OSBPL10: variants seen among roughly 807,000 people sequenced by gnomAD.
OSBPL10 encodes oxysterol-binding protein-related protein 10.
A neutral mutation model predicts 81.7 loss-of-function variants in OSBPL10; 49 were observed. The ratio of observed to expected loss-of-function variants is 0.60; its 90% CI spans 0.48 to 0.76. OSBPL10 has a LOEUF of 0.76. Ranked by LOEUF, OSBPL10 falls within the 30% of genes least tolerant of loss-of-function variation. The pLI is 0.00. For synonymous variants in OSBPL10, 419 were observed against 383.6 expected (o/e 1.09, Z -1.08); for missense variants, 923 against 987.8 (o/e 0.93, Z 0.88).
At chr3:31,978,279 G>A (rs761301807) in intron 1 of OSBPL10, among the ~76,000 whole-genome samples, 6 of 152,176 alleles carry the variant, frequency 3.9e-5, no homozygotes, top group Non-Finnish European at 5.9e-5. Context: ...ATGAGGCCCA[G>A]AAAGAAAGGC....
intron 1 of OSBPL10, among the ~76,000 whole-genome samples, chr3:31,963,525 C>T (rs1019680373): frequency 1.3e-5 from 2 of 152,106 alleles, no homozygotes; most frequent in Admixed American, 1.3e-4. Context: ...GATTTGAAGG[C>T]TCACTCTTCA....
chr3:31,683,372 TGCACA>T (rs1700704585), intron 8 of OSBPL10, among the ~76,000 whole-genome samples: 1 of 152,120 alleles, frequency 6.6e-6, no homozygotes, highest in South Asian at 2.1e-4. Flanking sequence ...CGCACGCGCG[TGCACA>T]GCATGGGAAG....
chr3:31,662,185 A>C (rs1575459253), intron 11 of OSBPL10, 69 bp from the exon 12 acceptor site: 5 of 1,608,290 alleles, frequency 3.1e-6, no homozygotes, highest in Non-Finnish European at 8.5e-7. Context: ...AGCAAGGATA[A>C]CCGCAGCCAC....
intron 2 of OSBPL10, among the ~76,000 whole-genome samples, chr3:32,024,181 C>G (rs1048076808): frequency 2.6e-5 from 4 of 152,098 alleles, no homozygotes; most frequent in Non-Finnish European, 5.9e-5. Flanking sequence ...ACAGTTTGGG[C>G]TCTGCAAGGT....
At chr3:32,025,017 A>G (rs1247288636) in intron 2 of OSBPL10, among the ~76,000 whole-genome samples, 1 of 151,990 alleles carries the variant, frequency 6.6e-6, no homozygotes, top group African/African-American at 2.4e-5. Context: ...ACTGGCTAGA[A>G]CCTCCAGTAT....
chr3:31,918,710 T>C (rs1216100907), intron 1 of OSBPL10, among the ~76,000 whole-genome samples: 1 of 152,142 alleles, frequency 6.6e-6, no homozygotes, highest in Non-Finnish European at 1.5e-5. Context: ...GGGGCCCACA[T>C]ACCCCATTTC....
chr3:32,037,352 C>T (rs1238844444), intron 2 of OSBPL10, among the ~76,000 whole-genome samples: 3 of 152,148 alleles, frequency 2.0e-5, no homozygotes, highest in Non-Finnish European at 4.4e-5. Context: ...TTGCTTCTTT[C>T]AGAAAGCCCA....
chr3:31,946,236 TC>T (rs1296890192), intron 1 of OSBPL10, among the ~76,000 whole-genome samples: 1 of 151,818 alleles, frequency 6.6e-6, no homozygotes, highest in Non-Finnish European at 1.5e-5. Context: ...CCCCTCAGCC[TC>T]CCCAAGTGCT....
At chr3:31,988,874 A>G (rs762595695) in intron 2 of OSBPL10, 12 of 637,662 alleles carry the variant, frequency 1.9e-5, no homozygotes, top group Non-Finnish European at 1.9e-5. Context: ...GCTTGACTAC[A>G]ACCCAGAGAG....
chr3:31,809,126 T>C (rs548168003), intron 4 of OSBPL10, among the ~76,000 whole-genome samples: 1 of 152,278 alleles, frequency 6.6e-6, no homozygotes, highest in East Asian at 1.9e-4. Flanking sequence ...TTAAGAGAAA[T>C]TTGATAAACT....
chr3:31,952,789 T>C (rs1325818917), intron 1 of OSBPL10, among the ~76,000 whole-genome samples: 1 of 152,124 alleles, frequency 6.6e-6, no homozygotes, highest in East Asian at 1.9e-4. Context: ...TTAGAATTAG[T>C]GGTGATAATA....
At chr3:31,774,804 C>T (rs1411263462) in intron 4 of OSBPL10, among the ~76,000 whole-genome samples, 1 of 150,802 alleles carries the variant, frequency 6.6e-6, no homozygotes, top group Admixed American at 6.6e-5. Flanking sequence ...AGCCACTGCT[C>T]CTGGCCAGAA....
chr3:31,914,575 C>G (rs1696693092), intron 1 of OSBPL10, among the ~76,000 whole-genome samples: 1 of 152,054 alleles, frequency 6.6e-6, no homozygotes, highest in Admixed American at 6.6e-5. Context: ...AGATGGGACT[C>G]TGATTTCCCA....
rs772268332 is a variant in OSBPL10 at position 31,868,058 on chromosome 3, GAA to G, written c.537+8373_537+8374del. On this transcript the variant is annotated intron_variant, in intron 3 of 11. Transcript: ENST00000396556. Reference sequence around the variant, plus strand: ...AAGTTCCGTGCATATGAACGTACAAGAAAAAAAAAAAAGACGGGCAGGACGGA... The same window carrying G: ...AAGTTCCGTGCATATGAACGTACAAGAAAAAAAAAAGACGGGCAGGACGGA... 4.6e-4 allele frequency among the ~76,000 whole-genome samples: 65 copies of G among 141,924 alleles called. 1 individual carries two copies. Among genetic ancestry groups the G allele is most frequent in the Admixed American group, 5.6e-4 (8 of 14,244 alleles). The allele number at this position is 141,924 out of a possible 152,430, so 93.1% of individuals were successfully genotyped here.
intron 1 of OSBPL10, among the ~76,000 whole-genome samples, chr3:31,919,762 A>G (rs1031048038): frequency 1.3e-5 from 2 of 152,236 alleles, no homozygotes; most frequent in African/African-American, 4.8e-5. Flanking sequence ...AGTAAATAGC[A>G]ATCACTATCC....
At chr3:31,726,741 G>A (rs992463126) in intron 6 of OSBPL10, among the ~76,000 whole-genome samples, 1 of 151,238 alleles carries the variant, frequency 6.6e-6, no homozygotes, top group Non-Finnish European at 1.5e-5. Context: ...AACAGGAGGA[G>A]GAATGGAAGA....
intron 8 of OSBPL10, among the ~76,000 whole-genome samples, chr3:31,674,583 T>TTAGA (rs55696700): frequency 0.27 from 39,865 of 147,548 alleles, 5,964 homozygotes; most frequent in Admixed American, 0.35. Flanking sequence ...GATAGATAGA[T>TTAGA]TAGATAGATA....
At chr3:31,817,227 GAT>G (rs1699859969) in intron 4 of OSBPL10, among the ~76,000 whole-genome samples, 1 of 152,188 alleles carries the variant, frequency 6.6e-6, no homozygotes, top group African/African-American at 2.4e-5. Flanking sequence ...CTGGCCTAAA[GAT>G]GGGGCCTTAC....
In OSBPL10 at chr3:32,061,840, T is replaced by C. The variant is rs150787472; in HGVS notation, n.186-15237A>G. Among the ~76,000 whole-genome samples, 395 of 92,624 alleles carry C rather than the reference T, an allele frequency of 4.3e-3. 83 individuals are homozygous for C. Among genetic ancestry groups the C allele is most frequent in the Middle Eastern group, 0.011 (2 of 188 alleles). 60.8% of individuals were successfully genotyped at this position (92,624 alleles called of 152,430 possible). ...TTTTTATAGAGCCAGAGTCTTACTG[T>C]GTTGAGCAGGCTGGCCTCAAACTCT... On this transcript the variant is annotated intron_variant and non_coding_transcript_variant, in intron 1 of 3. Coordinates refer to the OSBPL10 transcript ENST00000479173.
Sources: gnomAD v4.1 joint callset for allele counts (sites outside exome capture counted in the v4.1 genomes callset) on GRCh38, gnomAD v4.1.1 for gene constraint, MANE v1.5 for transcripts, NCBI Gene and HGNC (gene_info 2026-07-23, HGNC 2026-07-21) for gene names.